The following CACNG3 variants were observed in gnomAD, a reference collection of about 807,000 sequenced individuals.
The protein encoded by CACNG3 is calcium voltage-gated channel auxiliary subunit gamma 3, also known as voltage-dependent calcium channel gamma-3 subunit.
In CACNG3, 3 loss-of-function variants were observed where a neutral mutation model predicts 28.5. The ratio of observed to expected loss-of-function variants is 0.11; its 90% confidence interval spans 0.05 to 0.27. The LOEUF is 0.27. Among genes scored for constraint, CACNG3 ranks in the 10% least tolerant of loss-of-function variants. CACNG3 has a pLI of 1.00. For missense variants in CACNG3, 236 were observed against 414.4 expected (o/e 0.57, Z 3.74); for synonymous variants, 174 against 162.2 (o/e 1.07, Z -0.55).
intron 1 of CACNG3, among the ~76,000 whole-genome samples, chr16:24,323,451 C>T (rs1413157890): frequency 6.6e-6 from 1 of 152,076 alleles, no homozygotes; most frequent in Non-Finnish European, 1.5e-5. Context: ...ATACTCATAG[C>T]AGTCTTTTGA....
intron 1 of CACNG3, among the ~76,000 whole-genome samples, chr16:24,346,066 C>T (rs1009619346): frequency 6.6e-6 from 1 of 152,156 alleles, no homozygotes; most frequent in Non-Finnish European, 1.5e-5. Flanking sequence ...AAATGATGTA[C>T]TTGAATTCTG....
At chr16:24,291,631 G>A (rs755853370) in intron 1 of CACNG3, among the ~76,000 whole-genome samples, 17 of 152,132 alleles carry the variant, frequency 1.1e-4, no homozygotes, top group Admixed American at 4.6e-4. Flanking sequence ...CAGATGGTTA[G>A]GAGCATGGTA....
At chr16:24,297,445 A>G (rs943042085) in intron 1 of CACNG3, among the ~76,000 whole-genome samples, 5 of 152,172 alleles carry the variant, frequency 3.3e-5, no homozygotes, top group Non-Finnish European at 7.4e-5. Context: ...TCCAAAAACT[A>G]TAACCAAAAC....
intron 1 of CACNG3, among the ~76,000 whole-genome samples, chr16:24,293,659 A>C (rs723723): frequency 0.076 from 11,580 of 152,160 alleles, 845 homozygotes; most frequent in East Asian, 0.4. Flanking sequence ...CTACACTAGA[A>C]GATATTTGGG....
intron 1 of CACNG3, among the ~76,000 whole-genome samples, chr16:24,268,107 T>TA (rs1282032796): frequency 6.6e-6 from 1 of 152,236 alleles, no homozygotes; most frequent in East Asian, 1.9e-4. Context: ...ATACTACTAT[T>TA]ACCTCCATTT....
intron 1 of CACNG3, among the ~76,000 whole-genome samples, chr16:24,324,874 G>A (rs1899519690): frequency 6.6e-6 from 1 of 152,060 alleles, no homozygotes; most frequent in Admixed American, 6.6e-5. Context: ...TTGCAAGGGG[G>A]CTGTTTCTTT....
At chr16:24,266,193 T>G (rs1693702409) in intron 1 of CACNG3, among the ~76,000 whole-genome samples, 1 of 152,122 alleles carries the variant, frequency 6.6e-6, no homozygotes, top group Admixed American at 6.5e-5. Flanking sequence ...GAGCCAGTGT[T>G]TCTACTGACA....
intron 2 of CACNG3, among the ~76,000 whole-genome samples, chr16:24,352,015 C>T (rs951158134): frequency 1.3e-5 from 2 of 151,918 alleles, no homozygotes; most frequent in East Asian, 3.9e-4. Context: ...CGGGGTTTAC[C>T]GTGCTAGCCA....
At chr16:24,322,795 T>A (rs1899482706) in intron 1 of CACNG3, among the ~76,000 whole-genome samples, 1 of 152,170 alleles carries the variant, frequency 6.6e-6, no homozygotes, top group African/African-American at 2.4e-5. Context: ...ATAATCTAAA[T>A]CAATATCTAC....
At chr16:24,340,625 T>G (rs1315621248) in intron 1 of CACNG3, among the ~76,000 whole-genome samples, 1 of 152,168 alleles carries the variant, frequency 6.6e-6, no homozygotes, top group Non-Finnish European at 1.5e-5. Context: ...GAAGTACTTT[T>G]CCATTGTCTG....
intron 1 of CACNG3, among the ~76,000 whole-genome samples, chr16:24,339,958 G>A (rs1050434329): frequency 2.0e-5 from 3 of 152,128 alleles, no homozygotes; most frequent in Admixed American, 2.0e-4. Flanking sequence ...TAACACTGTA[G>A]GGTGAATATG....
At chr16:24,261,000 C>G (rs918257837) in intron 1 of CACNG3, among the ~76,000 whole-genome samples, 3 of 152,164 alleles carry the variant, frequency 2.0e-5, no homozygotes, top group African/African-American at 7.2e-5. Context: ...GCAGAAAGAC[C>G]ACCAGTCTAG....
chr16:24,268,704 G>C (rs1355262690), intron 1 of CACNG3, among the ~76,000 whole-genome samples: 2 of 152,222 alleles, frequency 1.3e-5, no homozygotes, highest in African/African-American at 4.8e-5. Context: ...GAAGAACAGG[G>C]AGTCTGATGG....
At chr16:24,360,400 C>T (rs1410823833) in intron 3 of CACNG3, among the ~76,000 whole-genome samples, 1 of 152,168 alleles carries the variant, frequency 6.6e-6, no homozygotes. Flanking sequence ...AATATTGGCA[C>T]TTTGGGAAGC....
chr16:24,293,097 AG>A (rs1333337346), intron 1 of CACNG3, among the ~76,000 whole-genome samples: 1 of 152,242 alleles, frequency 6.6e-6, no homozygotes, highest in Non-Finnish European at 1.5e-5. Context: ...TCAGCCACTG[AG>A]GACGTGGGCT....
rs116011378 is a variant in CACNG3 at position 24,309,448 on chromosome 16, A to C, written c.212-37286A>C. Among the ~76,000 whole-genome samples, 1,240 of 152,278 alleles carry C rather than the reference A, an allele frequency of 8.1e-3. 13 individuals carry two copies. The highest frequency in any genetic ancestry group is 0.028 in the African/African-American group (1,164 of 41,562). On this transcript the variant is annotated intron_variant, in intron 1 of 3. Coordinates refer to ENST00000005284, the MANE Select transcript of CACNG3 (RefSeq NM_006539.4). Reference sequence around the variant, plus strand: ...AGCCACACAATGTTTCCAGCATGAGAGAGCCACCACATAAGCTTCTACCTC... The same window carrying C: ...AGCCACACAATGTTTCCAGCATGAGCGAGCCACCACATAAGCTTCTACCTC...
intron 1 of CACNG3, among the ~76,000 whole-genome samples, chr16:24,319,552 CA>C (rs1899428810): frequency 6.6e-6 from 1 of 152,092 alleles, no homozygotes; most frequent in Admixed American, 6.5e-5. Context: ...CTCCTGGCCT[CA>C]ATCAACAACA....
rs76318812 is a variant in CACNG3, at chr16:24,330,871, G to A, written c.212-15863G>A. Among the ~76,000 whole-genome samples the A allele has an allele frequency of 3.7e-3, 558 of 152,308 alleles. 5 individuals carry two copies. The highest frequency in any genetic ancestry group is 0.013 in the African/African-American group (532 of 41,564). On this transcript the variant is annotated intron_variant, in intron 1 of 3. Coordinates refer to ENST00000005284, the MANE Select transcript of CACNG3 (RefSeq NM_006539.4). ...GACACTCTAAACAGTGAAATGATCA[G>A]GGTGACCACCCTACCCTCACAGATC... is the stretch of plus-strand genomic sequence containing the variant.
chr16:24,291,404 A>G (rs1258563661), intron 1 of CACNG3, among the ~76,000 whole-genome samples: 1 of 152,222 alleles, frequency 6.6e-6, no homozygotes, highest in Non-Finnish European at 1.5e-5. Context: ...GTGCGGTCCA[A>G]CAAACTTTCA....
Sources: allele counts gnomAD v4.1 joint callset (sites outside exome capture counted in the v4.1 genomes callset), GRCh38; gene constraint gnomAD v4.1.1; transcripts MANE v1.5; gene names NCBI Gene and HGNC (gene_info 2026-07-23, HGNC 2026-07-21).